Variants in RUNDC1 observed in about 807,000 individuals in gnomAD.
RUNDC1 encodes the protein RUN domain containing 1, also known as RUN domain-containing protein 1.
Under a neutral mutation model 49.3 loss-of-function variants are expected in RUNDC1, and 31 were observed. The observed-to-expected ratio is 0.63, with a 90% confidence interval of 0.47 to 0.85. The LOEUF is 0.85. Among genes scored for constraint, RUNDC1 ranks in the 40% least tolerant of loss-of-function variants. RUNDC1 has a pLI of 0.00. For synonymous variants in RUNDC1, 347 were observed against 348.6 expected, an observed-to-expected ratio of 1.00 and a Z score of 0.05; for missense variants, 715 against 806.7, an observed-to-expected ratio of 0.89 and a Z score of 1.38.
intron 1 of RUNDC1, chr17:42,981,292 G>A (rs946573050): frequency 1.2e-5 from 7 of 588,994 alleles, no homozygotes; most frequent in Non-Finnish European, 2.0e-5. Context: ...CGGAGGATGT[G>A]GAGAGATGTC....
Position 42,980,599 on chromosome 17 carries a change from C to T in RUNDC1, c.23C>T (p.Ala8Val), listed in dbSNP as rs764334670. 5 of 1,609,672 alleles carry T rather than the reference C, an allele frequency of 3.1e-6. No individual in the cohort carries two copies. Among genetic ancestry groups the T allele is most frequent in the African/African-American group, 2.7e-5 (2 of 74,816 alleles). Residue 8 changes from alanine to valine, a missense_variant, in exon 1 of 5, where the codon GCA becomes GTA. By Grantham distance (64) the Ala-to-Val change is moderately conservative (BLOSUM62 0). Transcript: ENST00000361677. Reference sequence around the variant, plus strand: ...AAGATGGCGGCTGTCGAAGCGGCTGCAGAGCCGGTAACGGTGGTGGCGGCT... The same window carrying T: ...AAGATGGCGGCTGTCGAAGCGGCTGTAGAGCCGGTAACGGTGGTGGCGGCT... MAAVEAAAEPVTVVAAVG... is the reference protein window; with the variant it reads MAAVEAAVEPVTVVAAVG...
Position 42,980,814 on chromosome 17 carries a change from C to G in RUNDC1, c.238C>G (p.Leu80Val). The change falls in exon 1 of 5, where the codon CTG becomes GTG. Residue 80 changes from leucine (L) to valine (V), a missense_variant. Transcript: ENST00000361677. ...CCCGCCGGATTCGCCGGGCCGGACG[C>G]TGCGGCGGCTGCGGGCAGAGCGGCG... ...GSPPDSPGRT[L>V]RRLRAERRRL... 1 of 1,375,834 alleles carries G rather than the reference C, an allele frequency of 7.3e-7. No individual in the cohort carries two copies. The highest frequency in any genetic ancestry group is 9.3e-7 in the Non-Finnish European group (1 of 1,076,270). 85.2% of individuals were successfully genotyped at this position (1,375,834 alleles called of 1,614,324 possible). A position where few individuals can be genotyped will look rare whatever the true frequency, so the allele number is the denominator to read the frequency against.
chr17:42,981,329 G>C (rs959389061), intron 1 of RUNDC1: 47 of 509,760 alleles, frequency 9.2e-5, no homozygotes, highest in Admixed American at 2.4e-4. Flanking sequence ...AGTGGTAGAG[G>C]AGCGGTGAGC....
At chr17:42,984,889 C>CTTTTTTTTTTTTTTTTTTTTT (rs56228523) in intron 1 of RUNDC1, among the ~76,000 whole-genome samples, 1 of 65,348 alleles carries the variant, frequency 1.5e-5, no homozygotes, top group African/African-American at 6.0e-5. Context: ...TTCTTTCTTT[C>CTTTTTTTTTTTTTTTTTTTTT]TTTTTTTTTT....
intron 2 of RUNDC1, among the ~76,000 whole-genome samples, chr17:42,987,781 T>C (rs1439323919): frequency 6.6e-6 from 1 of 152,196 alleles, no homozygotes; most frequent in African/African-American, 2.4e-5. Flanking sequence ...AGGTGGAGTT[T>C]TGCTCTTGTT....
chr17:42,991,444 C>A lies in RUNDC1; in HGVS notation c.1570C>A (p.Leu524Met). The A allele has an allele frequency of 6.2e-7, 1 of 1,614,242 alleles. No individual in the cohort carries two copies. The change falls in exon 5 of 5, where the codon CTG (leucine) becomes ATG (methionine). Residue 524 changes from leucine to methionine, a missense_variant. Physicochemically the swap from Leu to Met is conservative, Grantham distance 15. Around this residue, in one of 5 missense-constraint regions of RUNDC1, gnomAD observed 425 missense variants for 499.7 expected, o/e 0.85. Coordinates refer to ENST00000361677, the MANE Select transcript of RUNDC1 (RefSeq NM_173079.5). The stretch of plus-strand genomic sequence containing the variant: ...CCTACTGACAGCCATCCACATGGTG[C>A]TGACAGAGCATGACCCTTTTAAGCG... Reference protein sequence around the residue: ...QSLLTAIHMVLTEHDPFKRSA... With the variant: ...QSLLTAIHMVMTEHDPFKRSA...
intron 3 of RUNDC1, among the ~76,000 whole-genome samples, chr17:42,989,822 A>C (rs958825143): frequency 4.0e-5 from 6 of 151,884 alleles, no homozygotes; most frequent in Non-Finnish European, 8.8e-5. Context: ...TTTAGTAGAG[A>C]TGGTGTTTCA....
At chr17:42,989,666 T>C (rs1040535012) in intron 3 of RUNDC1, 127 bp downstream of exon 3, 5 of 840,704 alleles carry the variant, frequency 5.9e-6, no homozygotes, top group Admixed American at 2.3e-5. Context: ...ACAGTGTCTC[T>C]CTCTGTTCCC....
chr17:42,982,819 C>CAA (rs59693674), intron 1 of RUNDC1, among the ~76,000 whole-genome samples: 60 of 118,586 alleles, frequency 5.1e-4, no homozygotes, highest in African/African-American at 1.7e-3. Flanking sequence ...ACTAAAAATA[C>CAA]AAAAAAAAAA....
chr17:42,982,003 T>TTTTTTTTTTTTTTTTTA (rs71157691), intron 1 of RUNDC1: 2 of 149,704 alleles, frequency 1.3e-5, no homozygotes, highest in African/African-American at 4.9e-5. Context: ...TTTTTTTTTT[T>TTTTTTTTTTTTTTTTTA]GAGACAGAGT....
Position 42,980,585 on chromosome 17 carries a change from T to C in RUNDC1, c.9T>C (p.Ala3=), listed in dbSNP as rs1487990221. The part of the protein sequence containing the change: MA[A]VEAAAEPVTV... ...GTGGTGTTTCCGGGAAGATGGCGGC[T>C]GTCGAAGCGGCTGCAGAGCCGGTAA... Residue 3 remains alanine, a synonymous_variant, in exon 1 of 5, where the codon GCT becomes GCC. Coordinates refer to ENST00000361677, the MANE Select transcript of RUNDC1 (RefSeq NM_173079.5). 2 of 1,609,280 alleles carry C rather than the reference T, an allele frequency of 1.2e-6. No individual in the cohort carries two copies. Among genetic ancestry groups the C allele is most frequent in the East Asian group, 4.5e-5 (2 of 44,744 alleles).
Position 42,980,652 on chromosome 17 carries a change from G to A in RUNDC1, c.76G>A (p.Glu26Lys), listed in dbSNP as rs1567727443. The A allele has an allele frequency of 1.3e-6, 2 of 1,593,730 alleles. No homozygotes were observed. The highest frequency in any genetic ancestry group is 1.7e-6 in the Non-Finnish European group (2 of 1,172,992). ...AVGPKAKDEE[E>K]EEEEPLPPCE... Reference sequence around the variant, plus strand: ...TGGGCCAAAGGCGAAAGACGAAGAGGAGGAGGAAGAGGAGCCGCTGCCACC... The same window carrying A: ...TGGGCCAAAGGCGAAAGACGAAGAGAAGGAGGAAGAGGAGCCGCTGCCACC... The change falls in exon 1 of 5, where the codon GAG becomes AAG. Residue 26 changes from glutamate (E) to lysine (K), a missense_variant. Transcript: ENST00000361677.
Position 42,989,451 on chromosome 17 carries a change from C to T in RUNDC1, c.768C>T (p.Ile256=), listed in dbSNP as rs762368564. The T allele has an allele frequency of 7.4e-6, 12 of 1,613,930 alleles. No homozygotes were observed. In the Admixed American group the frequency reaches 8.3e-5, roughly 11 times the overall value. ...GTGTAGATGCAGCAGTGGCTCAGAT[C>T]GTCAACCCAGCCCGAGTCAAAGAAC... The part of the protein sequence containing the change: ...RQRVDAAVAQ[I]VNPARVKEQL... The change falls in exon 3 of 5, where the codon ATC becomes ATT. Residue 256 remains isoleucine (I), a synonymous_variant. Coordinates refer to ENST00000361677, the MANE Select transcript of RUNDC1 (RefSeq NM_173079.5).
At chr17:42,985,726 C>T in intron 1 of RUNDC1, 1 of 979,252 alleles carries the variant, frequency 1.0e-6, no homozygotes, top group Non-Finnish European at 1.2e-6. Flanking sequence ...CTTGCCCCTA[C>T]AAATGATTTG....
chr17:42,986,584 G>A (rs1240420913), intron 1 of RUNDC1, among the ~76,000 whole-genome samples: 1 of 151,784 alleles, frequency 6.6e-6, no homozygotes, highest in African/African-American at 2.4e-5. Context: ...TGCAAGCTCC[G>A]CCTCCCGGGT....
chr17:42,990,248 A>G (rs953449971), intron 3 of RUNDC1, 69 bp from the exon 4 acceptor site: 10 of 1,572,494 alleles, frequency 6.4e-6, no homozygotes, highest in Non-Finnish European at 7.8e-6. Flanking sequence ...ACCATTAAGT[A>G]TTATTTTTCC....
chr17:42,984,115 G>A (rs759600442), intron 1 of RUNDC1, among the ~76,000 whole-genome samples: 2 of 150,306 alleles, frequency 1.3e-5, no homozygotes, highest in African/African-American at 2.5e-5. Context: ...GACCACAGGC[G>A]CACACTACCA....
At chr17:42,981,311 A>G (rs1325674539) in intron 1 of RUNDC1, 2 of 548,932 alleles carry the variant, frequency 3.6e-6, no homozygotes, top group South Asian at 2.4e-5. Context: ...TCGGTGCGTG[A>G]TGACGTGAGT....
chr17:42,989,746 C>T (rs1182694864), intron 3 of RUNDC1, among the ~76,000 whole-genome samples: 2 of 152,170 alleles, frequency 1.3e-5, no homozygotes, highest in East Asian at 1.9e-4. Flanking sequence ...GCAATTCTTC[C>T]GCCTCAGCCT....
Sources: gnomAD v4.1 joint callset for allele counts (sites outside exome capture counted in the v4.1 genomes callset) on GRCh38, gnomAD v4.1.1 for gene constraint, gnomAD v4.1.1 regional missense constraint, MANE v1.5 for transcripts, NCBI Gene and HGNC (gene_info 2026-07-23, HGNC 2026-07-21) for gene names.